The following PSME4 variants were observed in gnomAD, a reference collection of about 807,000 sequenced individuals.
The protein encoded by PSME4 is proteasome activator subunit 4.
In PSME4, 89 loss-of-function variants were observed where a neutral mutation model predicts 253.9. The ratio of observed to expected loss-of-function variants is 0.35; its 90% CI spans 0.30 to 0.42. The LOEUF (loss-of-function observed/expected upper bound fraction) is 0.42, where lower values mean the gene tolerates loss of function less well. Ranked by LOEUF, PSME4 falls within the 10% of genes least tolerant of loss-of-function variation. The pLI is 1.00. For synonymous variants in PSME4, 851 were observed against 759.2 expected (o/e 1.12, Z -1.99); for missense variants, 2,014 against 2,195.2 (o/e 0.92, Z 1.65).
At chr2:53,934,055 A>C (rs1668991698) in intron 8 of PSME4, among the ~76,000 whole-genome samples, 1 of 152,214 alleles carries the variant, frequency 6.6e-6, no homozygotes. Context: ...GCAATATATG[A>C]ATGATAAACT....
chr2:53,866,740 A>C lies in PSME4; in HGVS notation c.5397+7T>G. The C allele has an allele frequency of 6.2e-7, 1 of 1,611,056 alleles. No individual in the cohort carries two copies. The highest frequency in any genetic ancestry group is 8.5e-7 in the Non-Finnish European group (1 of 1,178,256). ...TACACGTACAAACTAATAAGGAAGAACTGTACCTCAATAGGCTGAGGATCA... is the reference window on the plus strand; with the variant it reads ...TACACGTACAAACTAATAAGGAAGACCTGTACCTCAATAGGCTGAGGATCA... On this transcript the variant is annotated splice_region_variant and intron_variant, in intron 45 of 46. Transcript: ENST00000404125.
intron 3 of PSME4, among the ~76,000 whole-genome samples, chr2:53,944,272 C>T (rs1300333026): frequency 6.6e-6 from 1 of 152,064 alleles, no homozygotes; most frequent in Non-Finnish European, 1.5e-5. Context: ...GATTCTCCTG[C>T]CTCAGCCTCC....
At chr2:53,904,575 C>A (rs6731911) in intron 26 of PSME4, among the ~76,000 whole-genome samples, 19,354 of 152,232 alleles carry the variant, frequency 0.13, 2,160 homozygotes, top group African/African-American at 0.3. Context: ...AAAACAGACA[C>A]ATAACAACTT....
At chr2:53,871,984 C>A (rs805387) in intron 43 of PSME4, among the ~76,000 whole-genome samples, 44,724 of 151,824 alleles carry the variant, frequency 0.29, 6,888 homozygotes, top group South Asian at 0.46. Flanking sequence ...ACTGCACTCC[C>A]GCCTGGGCAA....
Position 53,885,686 on chromosome 2 carries a change from T to C in PSME4, c.4815+4A>G, listed in dbSNP as rs1679603649. 4 of 1,602,454 alleles carry C rather than the reference T, an allele frequency of 2.5e-6. No homozygotes were observed. In the East Asian group the frequency reaches 8.9e-5, roughly 36 times the overall value. ...ATGCATTCTTAATTTCAGCAAAACC[T>C]TACCTTGAAAAACAAAGGTAGAAGC... On this transcript the variant is annotated splice_donor_region_variant and intron_variant, in intron 41 of 46. Coordinates refer to ENST00000404125, the MANE Select transcript of PSME4 (RefSeq NM_014614.3).
intron 35 of PSME4, among the ~76,000 whole-genome samples, chr2:53,893,278 G>A (rs1296161990): frequency 6.6e-6 from 1 of 151,926 alleles, no homozygotes. Context: ...AAACATTAAA[G>A]ATAAATACAG....
intron 27 of PSME4, 38 bp from the exon 28 acceptor site, chr2:53,901,597 A>G (rs1267293763): frequency 3.3e-6 from 5 of 1,520,866 alleles, no homozygotes; most frequent in Non-Finnish European, 4.5e-6. Context: ...TACATGGGAA[A>G]TAAGAGGCAT....
rs773402937 is a variant in PSME4 at position 53,936,790 on chromosome 2, C to T, written c.733G>A (p.Val245Met). The change falls in exon 6 of 47, where the codon GTG (valine) becomes ATG (methionine). Residue 245 changes from valine to methionine, a missense_variant. By Grantham distance (21) the Val-to-Met change is conservative. Around this residue, in one of 4 missense-constraint regions of PSME4, gnomAD observed 615 missense variants for 594.4 expected, o/e 1.03. Transcript: ENST00000404125. The stretch of plus-strand genomic sequence containing the variant: ...CCCTCCCATTGTGGGAGATTTTGCA[C>T]TGAAACCCAAAGGCCAATTAATTCA... ...FDELIGLWVS[V>M]QNLPQWEGQL... 3.8e-6 allele frequency: 6 copies of T among 1,595,824 alleles called. No individual in the cohort carries two copies. Among genetic ancestry groups the T allele is most frequent in the Non-Finnish European group, 5.1e-6 (6 of 1,171,590 alleles).
Position 53,885,873 on chromosome 2 carries a change from G to A in PSME4, c.4730-98C>T, listed in dbSNP as rs1215544988. 6.7e-6 allele frequency: 5 copies of A among 749,766 alleles called. No individual in the cohort carries two copies. The East Asian group carries it at 1.3e-4, about 20-fold the overall frequency. 46.4% of individuals were successfully genotyped at this position (749,766 alleles called of 1,614,324 possible). ...AATGTTATTGTCATACAGCCACTCTGACAGCTCTTCGGTGCTATGAAAGAT... is the reference window on the plus strand; with the variant it reads ...AATGTTATTGTCATACAGCCACTCTAACAGCTCTTCGGTGCTATGAAAGAT... On this transcript the variant is annotated intron_variant, in intron 40 of 46. Coordinates refer to ENST00000404125, the MANE Select transcript of PSME4 (RefSeq NM_014614.3).
chr2:53,905,052 T>C (rs1680590568), intron 26 of PSME4, among the ~76,000 whole-genome samples: 1 of 146,758 alleles, frequency 6.8e-6, no homozygotes, highest in Admixed American at 7.1e-5. Flanking sequence ...CAGTTTTTTT[T>C]TTTTTCCTGC....
At chr2:53,872,896 T>TA (rs36003427) in intron 43 of PSME4, among the ~76,000 whole-genome samples, 5,258 of 146,522 alleles carry the variant, frequency 0.036, 96 homozygotes, top group Non-Finnish European at 0.039. Context: ...AATAAGAAAT[T>TA]AAAAAAAAAA....
intron 21 of PSME4, among the ~76,000 whole-genome samples, 167 bp downstream of exon 21, chr2:53,909,908 T>C (rs1406908479): frequency 1.3e-5 from 2 of 152,124 alleles, no homozygotes; most frequent in African/African-American, 2.4e-5. Context: ...AGGCAGGGGT[T>C]GCAGTGAGCA....
chr2:53,938,422 T>G (rs547592681), intron 4 of PSME4, among the ~76,000 whole-genome samples: 2 of 150,962 alleles, frequency 1.3e-5, no homozygotes, highest in East Asian at 3.9e-4. Flanking sequence ...ACACACAAAA[T>G]GAAGGTAAAT....
At chr2:53,886,158 A>G (rs1178363078) in intron 40 of PSME4, among the ~76,000 whole-genome samples, 2 of 152,210 alleles carry the variant, frequency 1.3e-5, no homozygotes, top group Non-Finnish European at 2.9e-5. Flanking sequence ...CTGTAATTCT[A>G]GCACTTTTGG....
intron 40 of PSME4, among the ~76,000 whole-genome samples, chr2:53,886,123 A>G (rs1679624201): frequency 1.3e-5 from 2 of 152,226 alleles, no homozygotes; most frequent in South Asian, 4.1e-4. Context: ...TAATTCAGAA[A>G]TGGGCTGGGT....
chr2:53,931,761 G>C (rs1250956992), intron 10 of PSME4, 74 bp downstream of exon 10: 1 of 1,485,560 alleles, frequency 6.7e-7, no homozygotes, highest in African/African-American at 1.4e-5. Context: ...AAGCCACAGA[G>C]GAGAAAAGAG....
At chr2:53,958,183 CAAAAAAAA>C (rs1211892917) in intron 1 of PSME4, among the ~76,000 whole-genome samples, 24 of 65,802 alleles carry the variant, frequency 3.6e-4, no homozygotes, top group African/African-American at 4.2e-4. Flanking sequence ...AAGACTCTGT[CAAAAAAAA>C]AAAAAAAAAA....
chr2:53,869,599 T>C (rs1456072726), intron 43 of PSME4, 61 bp from the exon 44 acceptor site: 1 of 1,345,478 alleles, frequency 7.4e-7, no homozygotes, highest in Non-Finnish European at 9.9e-7. Context: ...TAATGGAGGA[T>C]AGGGGGTAGT....
intron 4 of PSME4, 97 bp from the exon 5 acceptor site, chr2:53,937,637 A>G (rs1669185082): frequency 9.0e-7 from 1 of 1,110,498 alleles, no homozygotes; most frequent in Non-Finnish European, 1.3e-6. Context: ...GGAGGAGGAG[A>G]ATATATGTCA....
Sources: allele counts gnomAD v4.1 joint callset (sites outside exome capture counted in the v4.1 genomes callset), GRCh38; gene constraint gnomAD v4.1.1; regional missense constraint gnomAD v4.1.1; transcripts MANE v1.5; gene names NCBI Gene and HGNC (gene_info 2026-07-23, HGNC 2026-07-21).